Variants in NECTIN4 observed in about 807,000 individuals in gnomAD.
NECTIN4 encodes nectin cell adhesion molecule 4, also known as nectin-4.
A neutral mutation model predicts 51.7 loss-of-function variants in NECTIN4; 19 were observed. The observed-to-expected ratio is 0.37, with a 90% CI of 0.26 to 0.54. NECTIN4 has a LOEUF of 0.54. NECTIN4 is among the 20% of genes least tolerant of loss of function. The pLI is 0.86. For synonymous variants in NECTIN4, 283 were observed against 286.9 expected, an observed-to-expected ratio of 0.99 and a Z score of 0.14; for missense variants, 619 against 662.4, an observed-to-expected ratio of 0.93 and a Z score of 0.72.
Position 161,076,395 on chromosome 1 carries a change from G to A in NECTIN4, c.811C>T (p.Leu271=), listed in dbSNP as rs998578491. 4.3e-6 allele frequency: 7 copies of A among 1,614,044 alleles called. No homozygotes were observed. The highest frequency in any genetic ancestry group is 5.1e-6 in the Non-Finnish European group (6 of 1,180,028). The change falls in exon 4 of 9, where the codon CTG becomes TTG. Residue 271 remains leucine, a synonymous_variant. Coordinates refer to ENST00000368012, the MANE Select transcript of NECTIN4 (RefSeq NM_030916.3). ...GAGGGAGGGGGCTGCCCTTCACTCAGGCACTTGAGCATAGCTCCTTCTCTG... is the reference window on the plus strand; with the variant it reads ...GAGGGAGGGGGCTGCCCTTCACTCAAGCACTTGAGCATAGCTCCTTCTCTG... ...IGREGAMLKC[L]SEGQPPPSYN...
In NECTIN4 at chr1:161,088,288, T is replaced by C. The variant is rs147644988; in HGVS notation, c.79+930A>G. 5.3e-5 allele frequency among the ~76,000 whole-genome samples: 8 copies of C among 152,216 alleles called. No individual in the cohort carries two copies. The East Asian group carries it at 1.5e-3, about 29-fold the overall frequency. The stretch of plus-strand genomic sequence containing the variant: ...TGGGCCTGAGAATCAAACTGTCCTG[T>C]CCAGATCAGGCCCTATCTTTTGAAG... On this transcript the variant is annotated intron_variant, in intron 1 of 8. Coordinates refer to ENST00000368012, the MANE Select transcript of NECTIN4 (RefSeq NM_030916.3).
Position 161,089,119 on chromosome 1 carries a change from T to C in NECTIN4, c.79+99A>G. ...CAGTTCAGAGTCAAAGAAAGGAGGATATGTGTGTGCGTGCGTGTGTGTCTA... is the reference window on the plus strand; with the variant it reads ...CAGTTCAGAGTCAAAGAAAGGAGGACATGTGTGTGCGTGCGTGTGTGTCTA... On this transcript the variant is annotated intron_variant, in intron 1 of 8. Coordinates refer to ENST00000368012, the MANE Select transcript of NECTIN4 (RefSeq NM_030916.3). This position sits in a 1 kb window ranked among gnomAD's most constrained non-coding sequence, Gnocchi z 4.1. 1 of 1,050,832 alleles carries C rather than the reference T, an allele frequency of 9.5e-7. No homozygotes were observed. The highest frequency in any genetic ancestry group is 1.5e-6 in the Non-Finnish European group (1 of 673,140). 65.1% of individuals were successfully genotyped at this position (1,050,832 alleles called of 1,614,324 possible).
intron 5 of NECTIN4, 27 bp from the exon 6 acceptor site, chr1:161,074,400 G>T (rs41270005): frequency 6.2e-7 from 1 of 1,613,354 alleles, no homozygotes; most frequent in African/African-American, 1.3e-5. Flanking sequence ...ACTGTCTGAG[G>T]TGGAAGCCTG....
chr1:161,085,785 G>A (rs1005548592), intron 1 of NECTIN4, among the ~76,000 whole-genome samples: 3 of 148,950 alleles, frequency 2.0e-5, no homozygotes, highest in African/African-American at 7.5e-5. Flanking sequence ...TGCAACTTCA[G>A]TCTCCTTGGA....
intron 1 of NECTIN4, among the ~76,000 whole-genome samples, chr1:161,086,130 C>T (rs950283254): frequency 1.3e-5 from 2 of 152,230 alleles, no homozygotes; most frequent in African/African-American, 4.8e-5. Flanking sequence ...GAGGCTAGAA[C>T]ATCCAATCAT....
chr1:161,082,807 T>C (rs1403242734), intron 1 of NECTIN4, among the ~76,000 whole-genome samples: 1 of 152,118 alleles, frequency 6.6e-6, no homozygotes, highest in African/African-American at 2.4e-5. Flanking sequence ...GTGAGTGAGC[T>C]TGGGTAGGGG....
At chr1:161,086,763 G>A (rs1348807422) in intron 1 of NECTIN4, 1 of 152,464 alleles carries the variant, frequency 6.6e-6, no homozygotes, top group East Asian at 1.9e-4. Context: ...GTGGGGCAGG[G>A]CCCTGGGGCT....
rs751963168 is a variant in NECTIN4 at position 161,072,619 on chromosome 1, C to G, written c.*42G>C. On this transcript the variant is annotated 3_prime_UTR_variant, in exon 9 of 9. Transcript: ENST00000368012. The stretch of plus-strand genomic sequence containing the variant: ...CAAGATGAGCTAAAATCTCCCATGT[C>G]AACAGAAGGAGCCAGGCCTAGGGAA... The G allele has an allele frequency of 6.4e-7, 1 of 1,553,002 alleles. No homozygotes were observed. Among genetic ancestry groups the G allele is most frequent in the Admixed American group, 1.7e-5 (1 of 59,950 alleles).
intron 4 of NECTIN4, 127 bp from the exon 5 acceptor site, chr1:161,074,886 G>A: frequency 9.7e-7 from 1 of 1,028,066 alleles, no homozygotes; most frequent in Non-Finnish European, 1.4e-6. Context: ...TGTTCCCACG[G>A]TGCCCCTCCC....
At chr1:161,087,195 G>C (rs928635025) in intron 1 of NECTIN4, 26 of 152,226 alleles carry the variant, frequency 1.7e-4, no homozygotes, top group African/African-American at 5.6e-4. Flanking sequence ...GAGCCAGAAT[G>C]GGGGTGGTAG....
rs908532110 is a variant in NECTIN4, at chr1:161,074,336, C to T, written c.1038G>A (p.Val346=). The T allele has an allele frequency of 1.3e-5, 21 of 1,613,952 alleles. No individual in the cohort carries two copies. Among genetic ancestry groups the T allele is most frequent in the Non-Finnish European group, 1.4e-5 (16 of 1,179,998 alleles). Residue 346 remains valine (V), a synonymous_variant, in exon 6 of 9, where the codon GTG becomes GTA. Transcript: ENST00000368012. The stretch of plus-strand genomic sequence containing the variant: ...CACCCACCACCACCACCGAGGCTGA[C>T]ACTAGGTCCACCTGCTTCCCAGAGT... The part of the protein sequence containing the change: ...QEDSGKQVDL[V]SASVVVVGVI...
intron 1 of NECTIN4, among the ~76,000 whole-genome samples, chr1:161,086,096 G>A (rs958814681): frequency 3.9e-5 from 6 of 152,098 alleles, no homozygotes; most frequent in East Asian, 1.9e-4. Context: ...CCTAGACTTC[G>A]GTCAGAGCAA....
In NECTIN4 at chr1:161,081,201, G is replaced by A. The variant is rs148500159; in HGVS notation, c.80-1252C>T. Among the ~76,000 whole-genome samples, 670 of 152,226 alleles carry A rather than the reference G, an allele frequency of 4.4e-3. 3 individuals carry two copies. Among genetic ancestry groups the A allele is most frequent in the African/African-American group, 0.016 (644 of 41,506 alleles). ...TGGGACAGGGTGGGGCCAAATCACC[G>A]GGGAACTTCCATACCAGCAAAGGAA... On this transcript the variant is annotated intron_variant, in intron 1 of 8. Coordinates refer to ENST00000368012, the MANE Select transcript of NECTIN4 (RefSeq NM_030916.3).
chr1:161,072,312 T>G lies in NECTIN4; in HGVS notation c.*349A>C. On this transcript the variant is annotated 3_prime_UTR_variant, in exon 9 of 9. Transcript: ENST00000368012. ...AGTGTTGCCCACGCAACCACTCAAA[T>G]CCCGTGGCACATACACCACAGTTCA... 3 of 402,412 alleles carry G rather than the reference T, an allele frequency of 7.5e-6. No homozygotes were observed. Among genetic ancestry groups the G allele is most frequent in the Non-Finnish European group, 1.4e-5 (3 of 210,728 alleles). 24.9% of individuals were successfully genotyped at this position (402,412 alleles called of 1,614,324 possible). A position where few individuals can be genotyped will look rare whatever the true frequency, so the allele number is the denominator to read the frequency against.
At chr1:161,076,148 A>G (rs575671404) in intron 4 of NECTIN4, among the ~76,000 whole-genome samples, 12 of 152,352 alleles carry the variant, frequency 7.9e-5, no homozygotes, top group Admixed American at 3.9e-4. Context: ...ATGACCATGT[A>G]TCTTAGATTC....
At position 161,074,684 on chromosome 1, in the gene NECTIN4, G is replaced by A; in HGVS notation, c.927C>T (p.His309=). 6.2e-7 allele frequency: 1 copy of A among 1,614,220 alleles called. No homozygotes were observed. Among genetic ancestry groups the A allele is most frequent in the African/African-American group, 1.3e-5 (1 of 75,054 alleles). Residue 309 remains histidine (H), a synonymous_variant, in exon 5 of 9, where the codon CAC becomes CAT. Coordinates refer to ENST00000368012, the MANE Select transcript of NECTIN4 (RefSeq NM_030916.3). ...TGACATGGCAGACGTAGATGCCGCT[G>A]TGCTCAGTGGTCAGTGGGGGAAAGC... ...TLGFPPLTTE[H]SGIYVCHVSN...
intron 1 of NECTIN4, among the ~76,000 whole-genome samples, chr1:161,085,294 G>A (rs1330362044): frequency 6.6e-6 from 1 of 152,074 alleles, no homozygotes; most frequent in Non-Finnish European, 1.5e-5. Context: ...AGGCCTTGAG[G>A]CAGCCCCACT....
At chr1:161,079,371 A>C (rs533299027) in intron 2 of NECTIN4, among the ~76,000 whole-genome samples, 1 of 152,342 alleles carries the variant, frequency 6.6e-6, no homozygotes, top group South Asian at 2.1e-4. Context: ...GGAAGGAAGA[A>C]CTTCCTAATA....
chr1:161,081,709 C>T (rs557170129), intron 1 of NECTIN4, among the ~76,000 whole-genome samples: 2 of 152,204 alleles, frequency 1.3e-5, no homozygotes, highest in African/African-American at 2.4e-5. Context: ...ACACCGTACC[C>T]GCTGCCTGGA....
Sources: gnomAD v4.1 joint callset for allele counts (sites outside exome capture counted in the v4.1 genomes callset) on GRCh38, gnomAD v4.1.1 for gene constraint, Gnocchi (gnomAD v3.1) non-coding constraint, MANE v1.5 for transcripts, NCBI Gene and HGNC (gene_info 2026-07-23, HGNC 2026-07-21) for gene names.